Variants in FOXP2 observed in about 807,000 individuals in gnomAD.
The protein encoded by FOXP2 is forkhead box P2, also known as forkhead box protein P2.
Under a neutral mutation model 115.8 loss-of-function variants are expected in FOXP2, and 12 were observed. The ratio of observed to expected loss-of-function variants is 0.10; its 90% CI spans 0.07 to 0.17. The LOEUF is 0.17. FOXP2 is among the 10% of genes least tolerant of loss of function. The pLI is 1.00. For missense variants in FOXP2, 629 were observed against 843.5 expected, an observed-to-expected ratio of 0.75 and a Z score of 3.15; for synonymous variants, 328 against 297.7, an observed-to-expected ratio of 1.10 and a Z score of -1.05.
intron 1 of FOXP2, among the ~76,000 whole-genome samples, chr7:114,166,988 T>C (rs1036325378): frequency 1.3e-5 from 2 of 152,204 alleles, no homozygotes; most frequent in African/African-American, 4.8e-5. Flanking sequence ...CAAAGTCATA[T>C]AACCACTTTG....
intron 1 of FOXP2, among the ~76,000 whole-genome samples, chr7:114,249,192 G>T (rs1304093061): frequency 2.9e-4 from 44 of 152,040 alleles, no homozygotes; most frequent in Admixed American, 2.9e-3. Flanking sequence ...AGTAACCAAA[G>T]AAGGCCTTTC....
At chr7:114,108,956 T>A (rs1363961724) in intron 1 of FOXP2, among the ~76,000 whole-genome samples, 2 of 151,984 alleles carry the variant, frequency 1.3e-5, no homozygotes, top group Non-Finnish European at 2.9e-5. Flanking sequence ...ACATTTAACA[T>A]ATGAAACACT....
At chr7:114,608,072 T>G (rs796509032) in intron 3 of FOXP2, among the ~76,000 whole-genome samples, 17 of 152,372 alleles carry the variant, frequency 1.1e-4, no homozygotes, top group African/African-American at 4.1e-4. Context: ...TTGGGCCATA[T>G]CTACACAGTT....
chr7:114,458,409 A>G (rs1433089225), intron 2 of FOXP2, among the ~76,000 whole-genome samples: 1 of 152,126 alleles, frequency 6.6e-6, no homozygotes, highest in Non-Finnish European at 1.5e-5. Flanking sequence ...GAAGGAAAAA[A>G]AAAATCTAAG....
chr7:114,469,514 A>T (rs1312202899), intron 2 of FOXP2, among the ~76,000 whole-genome samples: 1 of 152,176 alleles, frequency 6.6e-6, no homozygotes, highest in Non-Finnish European at 1.5e-5. Context: ...TAAAAAGTTT[A>T]TATTTTAGTT....
intron 10 of FOXP2, among the ~76,000 whole-genome samples, chr7:114,657,251 T>C (rs1243802230): frequency 1.3e-5 from 2 of 152,146 alleles, no homozygotes; most frequent in Non-Finnish European, 2.9e-5. Flanking sequence ...GGGCACACTG[T>C]TAAACAGCTT....
intron 2 of FOXP2, among the ~76,000 whole-genome samples, chr7:114,288,596 C>T (rs1796518495): frequency 6.6e-6 from 1 of 151,584 alleles, no homozygotes; most frequent in Non-Finnish European, 1.5e-5. Flanking sequence ...TTTTCTAATA[C>T]AATTTTTGAG....
rs567609219 is a variant in FOXP2, at chr7:114,443,451, G to A, written c.168+16772G>A. Among the ~76,000 whole-genome samples, 7 of 151,970 alleles carry A rather than the reference G, an allele frequency of 4.6e-5. No individual in the cohort carries two copies. The East Asian group carries it at 1.4e-3, about 29-fold the overall frequency. On this transcript the variant is annotated intron_variant, in intron 2 of 16. Transcript: ENST00000350908. Reference sequence around the variant, plus strand: ...TTTAAAGTTTTATTTTAGGTTCAGGGGTACATGTGCAGGTTTGTTATATGG... The same window carrying A: ...TTTAAAGTTTTATTTTAGGTTCAGGAGTACATGTGCAGGTTTGTTATATGG...
intron 2 of FOXP2, among the ~76,000 whole-genome samples, chr7:114,433,627 G>C (rs1382314946): frequency 6.6e-6 from 1 of 151,756 alleles, no homozygotes; most frequent in Non-Finnish European, 1.5e-5. Flanking sequence ...TTATTCTCTA[G>C]GTATAAGTGT....
chr7:114,378,684 C>CAAAAAAAAAAAAAAAAAAA lies in FOXP2; in HGVS notation c.-10-47801_-10-47800insAAAAAAAAAAAAAAAAAAA, dbSNP rs398005920. Among the ~76,000 whole-genome samples, 17 of 18,090 alleles carry CAAAAAAAAAAAAAAAAAAA rather than the reference C, an allele frequency of 9.4e-4. 2 individuals are homozygous for CAAAAAAAAAAAAAAAAAAA. Among genetic ancestry groups the CAAAAAAAAAAAAAAAAAAA allele is most frequent in the African/African-American group, 2.8e-3 (15 of 5,286 alleles). The allele number at this position is 18,090 out of a possible 152,430, so 11.9% of individuals were successfully genotyped here. ...GTGAGACAATGTAAGACCCTGTCTC[C>CAAAAAAAAAAAAAAAAAAA]AAAAAAAAAAAAAAAAAGGAAAAGA... On this transcript the variant is annotated intron_variant, in intron 2 of 17. Coordinates refer to the FOXP2 transcript ENST00000634411.
intron 1 of FOXP2, among the ~76,000 whole-genome samples, chr7:114,237,136 A>G (rs1795029584): frequency 6.6e-6 from 1 of 152,210 alleles, no homozygotes; most frequent in African/African-American, 2.4e-5. Flanking sequence ...AATAGACAAT[A>G]AGGATACAAA....
chr7:114,566,386 A>T lies in FOXP2; in HGVS notation c.258+31680A>T, dbSNP rs1031451293. On this transcript the variant is annotated intron_variant, in intron 3 of 16. Coordinates refer to ENST00000350908, the MANE Select transcript of FOXP2 (RefSeq NM_014491.4). ...TCACGGGAGGTGTTTGGGTCATGAG[A>T]GTGGATTCCTCATGAATGTCTTGGT... is the stretch of plus-strand genomic sequence containing the variant. Among the ~76,000 whole-genome samples the T allele has an allele frequency of 2.0e-5, 3 of 151,972 alleles. No individual in the cohort carries two copies. In the East Asian group the frequency reaches 5.8e-4, roughly 29 times the overall value.
chr7:114,545,542 T>C (rs74434629), intron 3 of FOXP2, among the ~76,000 whole-genome samples: 2,684 of 152,306 alleles, frequency 0.018, 37 homozygotes, highest in Non-Finnish European at 0.028. Context: ...AGTATATATC[T>C]GCTACGCTCA....
At chr7:114,308,526 C>T (rs1178452104) in intron 2 of FOXP2, among the ~76,000 whole-genome samples, 1 of 152,116 alleles carries the variant, frequency 6.6e-6, no homozygotes, top group Non-Finnish European at 1.5e-5. Flanking sequence ...GCGATAAACC[C>T]TTTTAAGGGA....
chr7:114,385,763 C>T (rs193116268), intron 2 of FOXP2, among the ~76,000 whole-genome samples: 4 of 152,204 alleles, frequency 2.6e-5, no homozygotes, highest in Admixed American at 2.6e-4. Flanking sequence ...GATGTCCCTT[C>T]GTGGTCGCCA....
intron 3 of FOXP2, among the ~76,000 whole-genome samples, chr7:114,553,725 T>C (rs2129288290): frequency 6.6e-6 from 1 of 152,236 alleles, no homozygotes; most frequent in Admixed American, 6.5e-5. Flanking sequence ...TGAATACACA[T>C]AAAAACAAGC....
At chr7:114,601,167 T>A (rs1803005066) in intron 3 of FOXP2, among the ~76,000 whole-genome samples, 1 of 152,152 alleles carries the variant, frequency 6.6e-6, no homozygotes, top group East Asian at 1.9e-4. Flanking sequence ...GGTTTCGCCA[T>A]GTTGGCTAGG....
intron 2 of FOXP2, among the ~76,000 whole-genome samples, chr7:114,526,490 A>C (rs956377194): frequency 7.0e-6 from 1 of 142,296 alleles, no homozygotes; most frequent in African/African-American, 2.9e-5. Flanking sequence ...AAAAAAAACA[A>C]AAAAAAAAAC....
chr7:114,148,814 A>G (rs901892663), intron 1 of FOXP2, among the ~76,000 whole-genome samples: 1 of 152,122 alleles, frequency 6.6e-6, no homozygotes, highest in African/African-American at 2.4e-5. Flanking sequence ...CTAATTTATA[A>G]ATATGCCACA....
Sources: allele counts gnomAD v4.1 joint callset (sites outside exome capture counted in the v4.1 genomes callset), GRCh38; gene constraint gnomAD v4.1.1; transcripts MANE v1.5; gene names NCBI Gene and HGNC (gene_info 2026-07-23, HGNC 2026-07-21).